Variants in DLD observed in about 807,000 individuals in gnomAD.
DLD encodes the protein dihydrolipoamide dehydrogenase.
A neutral mutation model predicts 62.2 loss-of-function variants in DLD; 36 were observed. The observed-to-expected ratio is 0.58, with a 90% CI of 0.44 to 0.76. DLD has a LOEUF of 0.76. DLD is among the 30% of genes least tolerant of loss of function. The pLI, the probability that DLD is intolerant of heterozygous loss-of-function variation, is 0.00. For missense variants in DLD, 541 were observed against 608.6 expected, an observed-to-expected ratio of 0.89 and a Z score of 1.17; for synonymous variants, 204 against 199.6, an observed-to-expected ratio of 1.02 and a Z score of -0.19.
chr7:107,911,698 T>G (rs1254624719), intron 8 of DLD, among the ~76,000 whole-genome samples: 1 of 152,084 alleles, frequency 6.6e-6, no homozygotes, highest in Admixed American at 6.5e-5. Context: ...GGGGTTTTTT[T>G]TTCTATTTTT....
chr7:107,902,458 T>G, intron 4 of DLD, 65 bp downstream of exon 4: 1 of 1,331,998 alleles, frequency 7.5e-7, no homozygotes, highest in Non-Finnish European at 1.1e-6. Flanking sequence ...AAGGATGGAT[T>G]GAGACTAGAT....
At position 107,917,316 on chromosome 7, in the gene DLD, C is replaced by T; in HGVS notation, c.1090C>T (p.His364Tyr). 2 of 1,614,152 alleles carry T rather than the reference C, an allele frequency of 1.2e-6. No homozygotes were observed. The highest frequency in any genetic ancestry group is 1.7e-6 in the Non-Finnish European group (2 of 1,180,022). ...GDVVAGPMLAHKAEDEGIICV... is the reference protein window; with the variant it reads ...GDVVAGPMLAYKAEDEGIICV... ...TGTAGTTGCTGGTCCAATGCTGGCT[C>T]ACAAAGCAGAGGATGAAGGCATTAT... The change falls in exon 11 of 14, where the codon CAC becomes TAC. Residue 364 changes from histidine to tyrosine, a missense_variant. By Grantham distance (83) the His-to-Tyr change is moderately conservative (BLOSUM62 2). Coordinates refer to ENST00000205402, the MANE Select transcript of DLD (RefSeq NM_000108.5).
At chr7:107,914,425 C>A (rs1174431970) in intron 8 of DLD, among the ~76,000 whole-genome samples, 1 of 152,094 alleles carries the variant, frequency 6.6e-6, no homozygotes, top group Non-Finnish European at 1.5e-5. Context: ...GTTGGTGTTA[C>A]ATCAAAGAAA....
intron 5 of DLD, 140 bp from the exon 6 acceptor site, chr7:107,904,812 CTATAAT>C (rs1447399189): frequency 5.8e-6 from 4 of 693,188 alleles, no homozygotes; most frequent in African/African-American, 1.8e-5. Context: ...CTTTTGTCAA[CTATAAT>C]TATAAGTTAT....
Position 107,915,658 on chromosome 7 carries a change from T to C in DLD, c.837T>C (p.Thr279=). Residue 279 remains threonine, a synonymous_variant, in exon 9 of 14, where the codon ACT becomes ACC. Transcript: ENST00000205402. ...AATTTAAATTGAATACAAAGGTTAC[T>C]GGTGCTACCAAGAAGTCAGATGGAA... ...GFKFKLNTKV[T]GATKKSDGKI... 1 of 1,613,776 alleles carries C rather than the reference T, an allele frequency of 6.2e-7. No individual in the cohort carries two copies. Among genetic ancestry groups the C allele is most frequent in the Non-Finnish European group, 8.5e-7 (1 of 1,179,830 alleles).
chr7:107,898,311 C>T (rs984467649), intron 2 of DLD, among the ~76,000 whole-genome samples: 13 of 97,908 alleles, frequency 1.3e-4, no homozygotes, highest in Non-Finnish European at 1.8e-5. Flanking sequence ...GAGTTTAGCT[C>T]TTGTTGCCCA....
At chr7:107,906,616 G>C (rs976589471) in intron 8 of DLD, among the ~76,000 whole-genome samples, 3 of 151,938 alleles carry the variant, frequency 2.0e-5, no homozygotes, top group African/African-American at 7.3e-5. Context: ...CCTAGAACTG[G>C]TCGAATTCTT....
At chr7:107,916,303 C>G (rs975687653) in intron 9 of DLD, among the ~76,000 whole-genome samples, 3 of 152,016 alleles carry the variant, frequency 2.0e-5, no homozygotes, top group East Asian at 1.9e-4. Flanking sequence ...AATAACAGAC[C>G]TCTAGATTTT....
rs1461771159 is a variant in DLD, at chr7:107,915,536, G to A, written c.715G>A (p.Val239Met). 6.2e-7 allele frequency: 1 copy of A among 1,613,824 alleles called. No individual in the cohort carries two copies. Among genetic ancestry groups the A allele is most frequent in the Non-Finnish European group, 8.5e-7 (1 of 1,179,924 alleles). ...GSVWQRLGADVTAVEFLGHVG... is the reference protein window; with the variant it reads ...GSVWQRLGADMTAVEFLGHVG... ...AGTTTGGCAAAGACTTGGTGCAGAT[G>A]TGACAGCAGTTGAATTTTTAGGTCA... The change falls in exon 9 of 14, where the codon GTG (valine) becomes ATG (methionine). Residue 239 changes from valine (V) to methionine (M), a missense_variant. Coordinates refer to ENST00000205402, the MANE Select transcript of DLD (RefSeq NM_000108.5).
intron 3 of DLD, 30 bp from the exon 4 acceptor site, chr7:107,902,295 G>A (rs1391903762): frequency 4.4e-6 from 7 of 1,574,130 alleles, no homozygotes; most frequent in Non-Finnish European, 6.1e-6. Context: ...GAGGTTATGT[G>A]CAGTTAAATA....
intron 8 of DLD, among the ~76,000 whole-genome samples, chr7:107,908,969 AC>A: frequency 6.6e-6 from 1 of 152,264 alleles, no homozygotes; most frequent in East Asian, 1.9e-4. Flanking sequence ...TTTGTCATCA[AC>A]CTTTGGATCC....
At chr7:107,908,102 G>T (rs1477178067) in intron 8 of DLD, among the ~76,000 whole-genome samples, 2 of 151,120 alleles carry the variant, frequency 1.3e-5, no homozygotes, top group Non-Finnish European at 2.9e-5. Flanking sequence ...TCCATATTAT[G>T]CAAGTTCCCC....
chr7:107,906,478 G>T, intron 8 of DLD, 110 bp downstream of exon 8: 1 of 734,224 alleles, frequency 1.4e-6, no homozygotes. Flanking sequence ...ATTGAGTTTT[G>T]CTTAAACACT....
intron 2 of DLD, among the ~76,000 whole-genome samples, chr7:107,894,613 C>A (rs2031671624): frequency 6.6e-6 from 1 of 152,178 alleles, no homozygotes; most frequent in African/African-American, 2.4e-5. Context: ...GTTAGATTTT[C>A]ATTTCTAAAG....
chr7:107,901,673 C>T, intron 2 of DLD, 65 bp from the exon 3 acceptor site: 1 of 1,359,376 alleles, frequency 7.4e-7, no homozygotes, highest in East Asian at 2.3e-5. Context: ...TTTGCTCTTC[C>T]AAAGAGCTCT....
intron 2 of DLD, among the ~76,000 whole-genome samples, chr7:107,896,996 G>A (rs1057313041): frequency 5.3e-5 from 8 of 151,720 alleles, no homozygotes; most frequent in East Asian, 1.9e-4. Context: ...CCACCAGCCC[G>A]GCTAATTTTT....
At chr7:107,902,293 G>A (rs770387953) in intron 3 of DLD, 32 bp from the exon 4 acceptor site, 22 of 1,573,186 alleles carry the variant, frequency 1.4e-5, no homozygotes, top group Non-Finnish European at 1.9e-5. Flanking sequence ...TTGAGGTTAT[G>A]TGCAGTTAAA....
rs564626591 is a variant in DLD at position 107,915,873 on chromosome 7, G to C, written c.875+177G>C. 1.7e-3 allele frequency among the ~76,000 whole-genome samples: 260 copies of C among 152,184 alleles called. 3 individuals are homozygous for C. The highest frequency in any genetic ancestry group is 4.8e-3 in the South Asian group (23 of 4,818). ...ATTAGCACATTGAAATTTATGATTAGGTTAATGCTAGAAAGAGAATCCAAT... is the reference window on the plus strand; with the variant it reads ...ATTAGCACATTGAAATTTATGATTACGTTAATGCTAGAAAGAGAATCCAAT... On this transcript the variant is annotated intron_variant, in intron 9 of 13. Transcript: ENST00000205402.
chr7:107,903,327 G>A, intron 4 of DLD, 151 bp from the exon 5 acceptor site: 1 of 539,972 alleles, frequency 1.9e-6, no homozygotes, highest in South Asian at 1.7e-5. Context: ...GCGGTGAGCT[G>A]AGATGGCGCC....
Sources: allele counts gnomAD v4.1 joint callset (sites outside exome capture counted in the v4.1 genomes callset), GRCh38; gene constraint gnomAD v4.1.1; transcripts MANE v1.5; gene names NCBI Gene and HGNC (gene_info 2026-07-23, HGNC 2026-07-21).